SCMH1: variants seen among roughly 807,000 people sequenced by gnomAD.
SCMH1 encodes the protein polycomb protein SCMH1.
A neutral mutation model predicts 70.8 loss-of-function variants in SCMH1; 37 were observed. The observed-to-expected ratio is 0.52, with a 90% CI of 0.40 to 0.69. The LOEUF (loss-of-function observed/expected upper bound fraction) is 0.69, where lower values mean the gene tolerates loss of function less well. Among genes scored for constraint, SCMH1 ranks in the 30% least tolerant of loss-of-function variants. The pLI is 0.00. For missense variants in SCMH1, 607 were observed against 827.3 expected (o/e 0.73, Z 3.27); for synonymous variants, 292 against 307.4 (o/e 0.95, Z 0.52).
intron 10 of SCMH1, among the ~76,000 whole-genome samples, chr1:41,051,683 T>G (rs903519645): frequency 1.3e-4 from 20 of 151,992 alleles, no homozygotes; most frequent in African/African-American, 4.8e-4. Context: ...TAAAAAAAGC[T>G]TACAGAATAA....
chr1:41,066,707 C>T (rs1282735969), intron 10 of SCMH1, among the ~76,000 whole-genome samples: 1 of 152,090 alleles, frequency 6.6e-6, no homozygotes, highest in Non-Finnish European at 1.5e-5. Context: ...CTCAGCCTCC[C>T]GAGTAGCTGG....
chr1:41,149,033 C>T (rs1443562800), intron 5 of SCMH1, among the ~76,000 whole-genome samples: 4 of 152,066 alleles, frequency 2.6e-5, no homozygotes, highest in African/African-American at 4.8e-5. Context: ...CTTCACGATC[C>T]GCCCACCTCA....
intron 4 of SCMH1, chr1:41,152,495 T>A (rs1212164808): frequency 3.2e-6 from 4 of 1,255,078 alleles, no homozygotes; most frequent in South Asian, 1.3e-5. Context: ...AGGGAAAACA[T>A]CTTAAGGCAG....
intron 2 of SCMH1, among the ~76,000 whole-genome samples, chr1:41,169,295 C>G (rs1276897342): frequency 6.6e-6 from 1 of 152,200 alleles, no homozygotes; most frequent in African/African-American, 2.4e-5. Context: ...GTTTGTTTTC[C>G]CATCAGCTCC....
intron 10 of SCMH1, among the ~76,000 whole-genome samples, chr1:41,059,937 C>T (rs1251997446): frequency 6.6e-6 from 1 of 151,228 alleles, no homozygotes; most frequent in Non-Finnish European, 1.5e-5. Flanking sequence ...CAGAGAATTT[C>T]TAATTTTCCT....
At chr1:41,218,680 T>C (rs1029985898) in intron 1 of SCMH1, among the ~76,000 whole-genome samples, 20 of 152,186 alleles carry the variant, frequency 1.3e-4, no homozygotes, top group Non-Finnish European at 1.3e-4. Flanking sequence ...CTACCTAATA[T>C]CTATTTAAGA....
intron 8 of SCMH1, among the ~76,000 whole-genome samples, chr1:41,078,180 T>C (rs946444203): frequency 3.3e-5 from 5 of 151,750 alleles, no homozygotes; most frequent in Non-Finnish European, 5.9e-5. Flanking sequence ...GATGAAAAAA[T>C]AGAAAACATC....
intron 6 of SCMH1, among the ~76,000 whole-genome samples, chr1:41,118,307 C>T (rs1408811390): frequency 1.3e-5 from 2 of 152,086 alleles, no homozygotes; most frequent in African/African-American, 2.4e-5. Flanking sequence ...GAACACATAA[C>T]GTAATGCCTA....
At position 41,037,508 on chromosome 1, in the gene SCMH1, C is replaced by T. The variant is rs145877237; in HGVS notation, c.1532G>A (p.Arg511His). 2.4e-5 allele frequency: 39 copies of T among 1,614,150 alleles called. No individual in the cohort carries two copies. The highest frequency in any genetic ancestry group is 8.9e-5 in the East Asian group (4 of 44,884). The change falls in exon 13 of 15, where the codon CGC becomes CAC. Residue 511 changes from arginine (R) to histidine (H), a missense_variant. Arg to His is a conservative substitution (Grantham distance 29). This residue lies in a region of SCMH1 where 430 missense variants were observed against 528.2 expected (regional missense o/e 0.81). Transcript: ENST00000337495. ...TGAGTCTGAGTGTGGTTCCAAGGAG[C>T]GGGCCAGACTATTCCCCAGGACAAA...
chr1:41,161,297 G>A (rs962507020), intron 3 of SCMH1, 67 bp downstream of exon 3: 4 of 1,543,988 alleles, frequency 2.6e-6, no homozygotes, highest in South Asian at 2.4e-5. Context: ...CTCTAACAAC[G>A]AAGGTTTTAT....
chr1:41,028,044 G>T, exon 15 of SCMH1: 1 of 866,764 alleles, frequency 1.2e-6, no homozygotes, highest in Non-Finnish European at 1.8e-6. Context: ...CATGGCAGCT[G>T]TGGCTAGGAG....
intron 4 of SCMH1, 21 bp from the exon 5 acceptor site, chr1:41,151,705 T>C: frequency 6.4e-7 from 1 of 1,561,378 alleles, no homozygotes; most frequent in Non-Finnish European, 8.8e-7. Flanking sequence ...AATAGAAATC[T>C]ATATCACAGT....
chr1:41,192,299 AT>A (rs983925224), intron 1 of SCMH1, among the ~76,000 whole-genome samples: 3 of 152,046 alleles, frequency 2.0e-5, no homozygotes, highest in African/African-American at 7.2e-5. Flanking sequence ...TTTTTACCAA[AT>A]ATCTCCAGAT....
intron 10 of SCMH1, among the ~76,000 whole-genome samples, chr1:41,049,198 C>T (rs1203368995): frequency 6.6e-6 from 1 of 152,132 alleles, no homozygotes; most frequent in Non-Finnish European, 1.5e-5. Context: ...AGACAATTCC[C>T]CTCTTGTACG....
chr1:41,040,133 A>C (rs757695979), intron 12 of SCMH1, among the ~76,000 whole-genome samples: 2 of 152,162 alleles, frequency 1.3e-5, no homozygotes, highest in Non-Finnish European at 2.9e-5. Context: ...TCCTAGGGTC[A>C]ATGTAAAATA....
At chr1:41,127,663 A>G (rs1365251124) in intron 6 of SCMH1, among the ~76,000 whole-genome samples, 1 of 152,186 alleles carries the variant, frequency 6.6e-6, no homozygotes, top group Non-Finnish European at 1.5e-5. Context: ...CTAATCCTCA[A>G]TATAACTGTA....
intron 1 of SCMH1, among the ~76,000 whole-genome samples, chr1:41,187,113 CCT>C (rs1650428732): frequency 6.6e-6 from 1 of 151,868 alleles, no homozygotes; most frequent in Non-Finnish European, 1.5e-5. Context: ...AAAATTTTAC[CCT>C]GATCTGAATC....
intron 13 of SCMH1, among the ~76,000 whole-genome samples, chr1:41,033,120 T>C (rs1024176394): frequency 1.3e-5 from 2 of 152,058 alleles, no homozygotes; most frequent in African/African-American, 4.8e-5. Context: ...GGTGAAACTC[T>C]GTCTCTGCAA....
chr1:41,076,295 TTTAC>T (rs1658265180), intron 8 of SCMH1, among the ~76,000 whole-genome samples: 1 of 152,238 alleles, frequency 6.6e-6, no homozygotes, highest in South Asian at 2.1e-4. Flanking sequence ...GTGTCCTCTC[TTTAC>T]TCCCAAAGCA....
Sources: allele counts gnomAD v4.1 joint callset (sites outside exome capture counted in the v4.1 genomes callset), GRCh38; gene constraint gnomAD v4.1.1; regional missense constraint gnomAD v4.1.1; transcripts MANE v1.5; gene names NCBI Gene and HGNC (gene_info 2026-07-23, HGNC 2026-07-21).